CACNA1D: variants seen among roughly 807,000 people sequenced by gnomAD.
CACNA1D encodes calcium voltage-gated channel subunit alpha1 D.
CACNA1D carries 55 observed loss-of-function variants against 257.1 expected under a neutral mutation model. That is an observed-to-expected ratio of 0.21 (90% CI 0.17 to 0.27). The LOEUF (loss-of-function observed/expected upper bound fraction) is 0.27. Among genes scored for constraint, CACNA1D ranks in the 10% least tolerant of loss-of-function variants. CACNA1D has a pLI of 1.00. For synonymous variants in CACNA1D, 980 were observed against 1,014.9 expected (o/e 0.97, Z 0.65); for missense variants, 1,876 against 2,784.0 (o/e 0.67, Z 7.34).
At chr3:53,546,178 G>C (rs1274668431) in intron 3 of CACNA1D, among the ~76,000 whole-genome samples, 1 of 152,160 alleles carries the variant, frequency 6.6e-6, no homozygotes, top group Non-Finnish European at 1.5e-5. Flanking sequence ...TGTGGCCGTC[G>C]CCGTGTCAGC....
In CACNA1D at chr3:53,673,680, A is replaced by G. The variant is rs2094347183; in HGVS notation, c.1220+554A>G. 6.7e-7 allele frequency: 1 copy of G among 1,491,246 alleles called. No homozygotes were observed. Among genetic ancestry groups the G allele is most frequent in the Non-Finnish European group, 9.4e-7 (1 of 1,067,798 alleles). The allele number at this position is 1,491,246 out of a possible 1,614,324, so 92.4% of individuals were successfully genotyped here. On this transcript the variant is annotated intron_variant, in intron 8 of 47. Transcript: ENST00000350061. This position sits in a 1 kb window ranked among gnomAD's most constrained non-coding sequence, Gnocchi z 4.1. ...TGGGGCTCTGCTCTTTAGTAAATGG[A>G]TAACTGATAACTGATCTCCTTACAT...
At chr3:53,781,462 C>T (rs962115517) in intron 38 of CACNA1D, 104 bp from the exon 39 acceptor site, 18 of 769,928 alleles carry the variant, frequency 2.3e-5, no homozygotes, top group South Asian at 4.3e-5. Context: ...CATCAGAGGG[C>T]AGCATGTTCA....
At chr3:53,557,735 C>T (rs1007827364) in intron 3 of CACNA1D, among the ~76,000 whole-genome samples, 5 of 152,308 alleles carry the variant, frequency 3.3e-5, no homozygotes, top group African/African-American at 1.2e-4. Context: ...TGTCCCTTCA[C>T]CAGCACTATA....
intron 47 of CACNA1D, among the ~76,000 whole-genome samples, chr3:53,810,857 T>C (rs1161345749): frequency 6.6e-6 from 1 of 151,638 alleles, no homozygotes; most frequent in Non-Finnish European, 1.5e-5. Context: ...TTCCGGCATA[T>C]GTTTCTAGTT....
rs1455879649 is a variant in CACNA1D, at chr3:53,811,166, A to C, written c.6246A>C (p.Ser2082=). Residue 2082 remains serine (S), a synonymous_variant, in exon 48 of 48, where the codon TCA becomes TCC. Coordinates refer to ENST00000350061, the MANE Select transcript of CACNA1D (RefSeq NM_001128840.3). This position sits in a 1 kb window ranked among gnomAD's most constrained non-coding sequence, Gnocchi z 4.2. The part of the protein sequence containing the change: ...GRYARDPKFV[S]ATKHEIADAC... ...ATGCAAGGGACCCAAAATTTGTGTCAGCAACAAAACACGAAATCGCTGATG... is the reference window on the plus strand; with the variant it reads ...ATGCAAGGGACCCAAAATTTGTGTCCGCAACAAAACACGAAATCGCTGATG... 1 of 1,614,138 alleles carries C rather than the reference A, an allele frequency of 6.2e-7. No homozygotes were observed. Among genetic ancestry groups the C allele is most frequent in the Non-Finnish European group, 8.5e-7 (1 of 1,180,006 alleles).
intron 3 of CACNA1D, among the ~76,000 whole-genome samples, chr3:53,566,785 A>C (rs192264858): frequency 6.6e-6 from 1 of 152,170 alleles, no homozygotes; most frequent in Admixed American, 6.5e-5. Flanking sequence ...CTCTGTCGGA[A>C]ACTTGCACCA....
chr3:53,732,669 G>T (rs1371899677), intron 18 of CACNA1D, 146 bp from the exon 19 acceptor site: 1 of 792,166 alleles, frequency 1.3e-6, no homozygotes, highest in East Asian at 2.4e-5. Context: ...CTCAGTCCAT[G>T]TTCTGAAGGA....
chr3:53,698,806 C>CT (rs11393164), intron 8 of CACNA1D, among the ~76,000 whole-genome samples: 36,222 of 135,058 alleles, frequency 0.27, 4,911 homozygotes, highest in East Asian at 0.45. Context: ...CACTTTATTG[C>CT]TTTTTTTTTT....
chr3:53,625,699 G>A (rs931186871), intron 3 of CACNA1D, among the ~76,000 whole-genome samples: 1 of 152,160 alleles, frequency 6.6e-6, no homozygotes, highest in Non-Finnish European at 1.5e-5. Context: ...AATAGACAAG[G>A]AATTTGCCGA....
rs905561706 is a variant in CACNA1D at position 53,793,635 on chromosome 3, G to T, written c.4924-6614G>T. 7.2e-5 allele frequency among the ~76,000 whole-genome samples: 11 copies of T among 152,232 alleles called. No individual in the cohort carries two copies. Among genetic ancestry groups the T allele is most frequent in the African/African-American group, 2.4e-4 (10 of 41,460 alleles). On this transcript the variant is annotated intron_variant, in intron 40 of 47. Transcript: ENST00000350061. This position sits in a 1 kb window ranked among gnomAD's most constrained non-coding sequence, Gnocchi z 4.1. ...GGAGTGATTTAAATGGAACAAGAGAGTCTTCTCCACTTGGGCCTGGCTGTG... is the reference window on the plus strand; with the variant it reads ...GGAGTGATTTAAATGGAACAAGAGATTCTTCTCCACTTGGGCCTGGCTGTG...
intron 3 of CACNA1D, among the ~76,000 whole-genome samples, chr3:53,547,005 T>G (rs2092426774): frequency 6.6e-6 from 1 of 152,226 alleles, no homozygotes; most frequent in Admixed American, 6.5e-5. Context: ...CAAAGAGTTT[T>G]ATTTTGTTAC....
Position 53,753,583 on chromosome 3 carries a change from G to A in CACNA1D, c.3687G>A (p.Gln1229=), listed in dbSNP as rs1443117369. 6.2e-7 allele frequency: 1 copy of A among 1,606,674 alleles called. No individual in the cohort carries two copies. The part of the protein sequence containing the change: ...TLCLAMQHYE[Q]SKMFNDAMDI... ...GTCTTCATCCATAGCACTACGAGCA[G>A]TCCAAGATGTTCAATGATGCCATGG... Residue 1229 remains glutamine, a synonymous_variant, in exon 29 of 48, where the codon CAG becomes CAA. Transcript: ENST00000350061.
rs561725930 is a variant in CACNA1D at position 53,510,263 on chromosome 3, A to G, written c.483+8543A>G. On this transcript the variant is annotated intron_variant, in intron 3 of 47. Coordinates refer to ENST00000350061, the MANE Select transcript of CACNA1D (RefSeq NM_001128840.3). ...GCGTGTGTGTACGTATGTATATATCACCTGTGCATTTTGAAACATAAATAC... is the reference window on the plus strand; with the variant it reads ...GCGTGTGTGTACGTATGTATATATCGCCTGTGCATTTTGAAACATAAATAC... Among the ~76,000 whole-genome samples the G allele has an allele frequency of 3.3e-5, 5 of 152,286 alleles. No individual in the cohort carries two copies. In the South Asian group the frequency reaches 1.0e-3, roughly 32 times the overall value.
chr3:53,660,000 G>T, intron 4 of CACNA1D, 133 bp from the exon 5 acceptor site: 2 of 770,378 alleles, frequency 2.6e-6, no homozygotes, highest in African/African-American at 1.7e-5. Flanking sequence ...CCCAGTTCTT[G>T]TCTTTGTCTT....
At chr3:53,694,030 G>T (rs143382323) in intron 8 of CACNA1D, among the ~76,000 whole-genome samples, 1 of 152,310 alleles carries the variant, frequency 6.6e-6, no homozygotes, top group Non-Finnish European at 1.5e-5. Context: ...GTGTCCTCTT[G>T]CATCTGCGGC....
rs1034472818 is a variant in CACNA1D at position 53,800,512 on chromosome 3, C to G, written c.5040+147C>G. On this transcript the variant is annotated intron_variant, in intron 41 of 47. Transcript: ENST00000350061. This position sits in a 1 kb window ranked among gnomAD's most constrained non-coding sequence, Gnocchi z 4.3. ...GGGGCTTTCAGACCACACCCTCCCCCTCTTACAGACCCTCCCCAGGCATCA... is the reference window on the plus strand; with the variant it reads ...GGGGCTTTCAGACCACACCCTCCCCGTCTTACAGACCCTCCCCAGGCATCA... 2 of 742,134 alleles carry G rather than the reference C, an allele frequency of 2.7e-6. No individual in the cohort carries two copies. Among genetic ancestry groups the G allele is most frequent in the East Asian group, 5.0e-5 (2 of 39,944 alleles). 46.0% of individuals were successfully genotyped at this position (742,134 alleles called of 1,614,324 possible). A position where few individuals can be genotyped will look rare whatever the true frequency, so the allele number is the denominator to read the frequency against.
intron 3 of CACNA1D, among the ~76,000 whole-genome samples, chr3:53,598,087 T>C (rs2093393693): frequency 6.6e-6 from 1 of 152,222 alleles, no homozygotes; most frequent in Admixed American, 6.5e-5. Flanking sequence ...TAAAATGTGC[T>C]TCTCTCTCCA....
At chr3:53,795,344 G>A (rs2095502872) in intron 40 of CACNA1D, among the ~76,000 whole-genome samples, 1 of 152,216 alleles carries the variant, frequency 6.6e-6, no homozygotes, top group African/African-American at 2.4e-5. Context: ...GTGACTATAG[G>A]TGAGTAAGTG....
chr3:53,641,825 C>T (rs545687111), intron 3 of CACNA1D, among the ~76,000 whole-genome samples: 2 of 152,236 alleles, frequency 1.3e-5, no homozygotes, highest in African/African-American at 4.8e-5. Context: ...TTATAGGGCT[C>T]GGAGGCCCTG....
Sources: allele counts gnomAD v4.1 joint callset (sites outside exome capture counted in the v4.1 genomes callset), GRCh38; gene constraint gnomAD v4.1.1; non-coding constraint Gnocchi (gnomAD v3.1); transcripts MANE v1.5; gene names NCBI Gene and HGNC (gene_info 2026-07-23, HGNC 2026-07-21).